The following NUSAP1 variants were observed in gnomAD, a reference collection of about 807,000 sequenced individuals.
NUSAP1 encodes nucleolar and spindle associated protein 1.
A neutral mutation model predicts 52.8 loss-of-function variants in NUSAP1; 32 were observed. The observed-to-expected ratio is 0.61, with a 90% confidence interval of 0.46 to 0.81. NUSAP1 has a LOEUF of 0.81. Ranked by LOEUF, NUSAP1 falls within the 40% of genes least tolerant of loss-of-function variation. NUSAP1 has a pLI of 0.00. For synonymous variants in NUSAP1, 195 were observed against 183.1 expected (o/e 1.06, Z -0.52); for missense variants, 499 against 522.3 (o/e 0.96, Z 0.43).
intron 8 of NUSAP1, among the ~76,000 whole-genome samples, chr15:41,372,316 T>A (rs1342482626): frequency 8.5e-5 from 13 of 152,302 alleles, no homozygotes; most frequent in Admixed American, 7.2e-4. Context: ...CCTGGAGGAC[T>A]CTGACACTAA....
chr15:41,336,662 T>C (rs1203406801), intron 1 of NUSAP1, among the ~76,000 whole-genome samples: 1 of 147,900 alleles, frequency 6.8e-6, no homozygotes, highest in South Asian at 2.1e-4. Flanking sequence ...TTTTTTTTTT[T>C]TTTTTTTGAG....
chr15:41,379,308 T>C (rs992430324), intron 10 of NUSAP1, among the ~76,000 whole-genome samples: 1 of 151,628 alleles, frequency 6.6e-6, no homozygotes, highest in Non-Finnish European at 1.5e-5. Context: ...TTTTTTTTTT[T>C]CTTAGAGACA....
At chr15:41,357,979 C>T (rs186281375) in intron 5 of NUSAP1, among the ~76,000 whole-genome samples, 170 bp from the exon 6 acceptor site, 2 of 152,168 alleles carry the variant, frequency 1.3e-5, no homozygotes, top group Admixed American at 6.5e-5. Flanking sequence ...ATGTGCTTTG[C>T]CCCTGAGTTT....
At chr15:41,339,634 T>C (rs2048305444) in intron 1 of NUSAP1, among the ~76,000 whole-genome samples, 1 of 152,132 alleles carries the variant, frequency 6.6e-6, no homozygotes, top group Non-Finnish European at 1.5e-5. Flanking sequence ...GGTCTGGAAC[T>C]CCTGAACTCA....
chr15:41,362,791 GTT>G (rs2049229073), intron 6 of NUSAP1, among the ~76,000 whole-genome samples: 1 of 151,938 alleles, frequency 6.6e-6, no homozygotes, highest in Admixed American at 6.6e-5. Context: ...TTTAATTGTA[GTT>G]ATATTTATCC....
chr15:41,333,037 G>C lies in NUSAP1; in HGVS notation c.80G>C (p.Arg27Pro), dbSNP rs776695595. The change falls in exon 1 of 11, where the codon CGG becomes CCG. Residue 27 changes from arginine (R) to proline (P), a missense_variant. Coordinates refer to ENST00000559596, the MANE Select transcript of NUSAP1 (RefSeq NM_016359.5). ...AACTTAGCCAAGAGTCTGGGTCTCC[G>C]GGCCAACCTGAGGGTACGGCGCTGG... The part of the protein sequence containing the change: ...LQNLAKSLGL[R>P]ANLRATKLLK... The C allele has an allele frequency of 6.2e-6, 10 of 1,609,910 alleles. No homozygotes were observed. The highest frequency in any genetic ancestry group is 1.3e-5 in the African/African-American group (1 of 74,818).
chr15:41,346,595 G>A (rs1279734201), intron 2 of NUSAP1, among the ~76,000 whole-genome samples: 10 of 151,584 alleles, frequency 6.6e-5, no homozygotes, highest in Admixed American at 4.6e-4. Flanking sequence ...TTGGGAGGCC[G>A]AGGTGGGTGG....
intron 5 of NUSAP1, among the ~76,000 whole-genome samples, chr15:41,356,886 G>A (rs1307368747): frequency 6.6e-6 from 1 of 152,048 alleles, no homozygotes; most frequent in Non-Finnish European, 1.5e-5. Flanking sequence ...ACATTGCTTG[G>A]CACATAGAAT....
At chr15:41,336,655 T>TGTTTTTTTTGTTTGTTTG (rs748827154) in intron 1 of NUSAP1, among the ~76,000 whole-genome samples, 187 of 141,236 alleles carry the variant, frequency 1.3e-3, no homozygotes, top group Middle Eastern at 3.5e-3. Flanking sequence ...TTGGTTTTTT[T>TGTTTTTTTTGTTTGTTTG]TTTTTTTTTT....
intron 8 of NUSAP1, among the ~76,000 whole-genome samples, chr15:41,374,926 C>G (rs931447096): frequency 1.3e-5 from 2 of 151,966 alleles, no homozygotes; most frequent in Non-Finnish European, 2.9e-5. Context: ...ACTGCAAGCT[C>G]CACCTCCCGG....
chr15:41,365,759 C>T (rs1228190203), intron 7 of NUSAP1, 170 bp downstream of exon 7: 7 of 356,582 alleles, frequency 2.0e-5, no homozygotes, highest in Non-Finnish European at 3.3e-5. Flanking sequence ...CTCGCTCTGT[C>T]GCCCAGGCTG....
intron 7 of NUSAP1, among the ~76,000 whole-genome samples, chr15:41,366,578 G>A (rs1218887936): frequency 3.3e-5 from 5 of 152,104 alleles, no homozygotes; most frequent in Non-Finnish European, 5.9e-5. Context: ...CACCGCGCCT[G>A]GCCGCACCCA....
intron 7 of NUSAP1, among the ~76,000 whole-genome samples, chr15:41,368,293 C>A (rs189361519): frequency 2.0e-5 from 3 of 152,140 alleles, no homozygotes; most frequent in African/African-American, 7.2e-5. Context: ...ACTAAGAATA[C>A]AGGCATAAAC....
At position 41,334,149 on chromosome 15, in the gene NUSAP1, T is replaced by TG. The variant is rs2048029942; in HGVS notation, c.93+1100dup. Among the ~76,000 whole-genome samples the TG allele has an allele frequency of 2.0e-5, 3 of 152,154 alleles. No individual in the cohort carries two copies. The South Asian group carries it at 6.2e-4, about 31-fold the overall frequency. On this transcript the variant is annotated intron_variant, in intron 1 of 10. Transcript: ENST00000559596. ...TTGTTTTTTCTTTGAGACGGAGTCT[T>TG]GCTCTGTCGCCCAGGCTGGAGTGCA...
intron 7 of NUSAP1, among the ~76,000 whole-genome samples, chr15:41,370,472 T>C (rs1005681459): frequency 1.4e-5 from 2 of 145,948 alleles, no homozygotes; most frequent in African/African-American, 2.5e-5. Flanking sequence ...AAAAATTAGC[T>C]GGGCGCGGTG....
Position 41,377,989 on chromosome 15 carries a change from C to CA in NUSAP1, c.1232+699dup, listed in dbSNP as rs991678349. Among the ~76,000 whole-genome samples the CA allele has an allele frequency of 5.1e-3, 657 of 128,280 alleles. 6 individuals are homozygous for CA. The highest frequency in any genetic ancestry group is 0.014 in the African/African-American group (479 of 34,688). The allele number at this position is 128,280 out of a possible 152,430, so 84.2% of individuals were successfully genotyped here. ...TGGGCGACAGAGTGAGACTCCGTCT[C>CA]AAAAAAAAAAAAAAGTGGTATCGTG... On this transcript the variant is annotated intron_variant, in intron 10 of 10. Coordinates refer to ENST00000559596, the MANE Select transcript of NUSAP1 (RefSeq NM_016359.5).
chr15:41,372,874 G>A (rs539037704), intron 8 of NUSAP1, among the ~76,000 whole-genome samples: 59 of 152,174 alleles, frequency 3.9e-4, no homozygotes, highest in African/African-American at 1.4e-3. Context: ...GATCACTTGA[G>A]GTCAGAATTT....
chr15:41,371,130 TG>T (rs1345480459), intron 7 of NUSAP1, among the ~76,000 whole-genome samples: 1 of 152,136 alleles, frequency 6.6e-6, no homozygotes, highest in African/African-American at 2.4e-5. Flanking sequence ...ATACAAGACC[TG>T]TTCTCACCAC....
intron 9 of NUSAP1, 122 bp downstream of exon 9, chr15:41,375,950 C>A: frequency 1.6e-6 from 1 of 641,152 alleles, no homozygotes; most frequent in Non-Finnish European, 2.8e-6. Flanking sequence ...CCTGTAATCC[C>A]AGATACTTAG....
Sources: allele counts gnomAD v4.1 joint callset (sites outside exome capture counted in the v4.1 genomes callset), GRCh38; gene constraint gnomAD v4.1.1; transcripts MANE v1.5; gene names NCBI Gene and HGNC (gene_info 2026-07-23, HGNC 2026-07-21).